The following DBF4B variants were observed in gnomAD, a reference collection of about 807,000 sequenced individuals.
DBF4B encodes DBF4B-CDC7 kinase regulatory subunit.
Under a neutral mutation model 53.4 loss-of-function variants are expected in DBF4B, and 49 were observed. The observed-to-expected ratio is 0.92, with a 90% CI of 0.73 to 1.16. DBF4B has a LOEUF of 1.16. Ranked by LOEUF, DBF4B falls within the 50% of genes most tolerant of loss-of-function variation. The probability of loss-of-function intolerance (pLI) is 0.00; values close to 1 mark genes in which losing one functional copy is unlikely to be tolerated. For missense variants in DBF4B, 692 were observed against 775.0 expected (o/e 0.89, Z 1.27); for synonymous variants, 257 against 288.7 (o/e 0.89, Z 1.11).
intron 6 of DBF4B, among the ~76,000 whole-genome samples, chr17:44,733,305 A>G (rs1013652191): frequency 6.6e-6 from 1 of 152,230 alleles, no homozygotes; most frequent in Admixed American, 6.5e-5. Context: ...CAAATTGTCC[A>G]TGGTCTCACC....
At chr17:44,734,014 T>C in intron 6 of DBF4B, 76 bp from the exon 7 acceptor site, 2 of 1,288,650 alleles carry the variant, frequency 1.6e-6, no homozygotes, top group Non-Finnish European at 1.1e-6. Flanking sequence ...AGTTTAGTCC[T>C]GCAGCCCAGG....
At chr17:44,721,834 T>C (rs543302673) in intron 2 of DBF4B, among the ~76,000 whole-genome samples, 3 of 151,302 alleles carry the variant, frequency 2.0e-5, no homozygotes, top group African/African-American at 4.9e-5. Context: ...GGAGGTTGCA[T>C]AGAAGAGGAA....
Position 44,749,580 on chromosome 17 carries a change from TG to T in DBF4B, c.1190-1010del. On this transcript the variant is annotated intron_variant, in intron 13 of 13. Transcript: ENST00000315005. The surrounding 1 kb of genome is among the most constrained non-coding windows in gnomAD (Gnocchi z 4.4). ...CAGGTCTTTGGGAGAGAATCTGGGC[TG>T]GGGGCTGCCCTCTCCTACCCCTGCC... The T allele has an allele frequency of 8.3e-7, 1 of 1,201,456 alleles. No individual in the cohort carries two copies. Among genetic ancestry groups the T allele is most frequent in the Non-Finnish European group, 1.1e-6 (1 of 947,344 alleles). The allele number at this position is 1,201,456 out of a possible 1,614,324, so 74.4% of individuals were successfully genotyped here.
intron 2 of DBF4B, among the ~76,000 whole-genome samples, chr17:44,712,675 A>C (rs1972985561): frequency 1.3e-5 from 2 of 150,250 alleles, no homozygotes; most frequent in African/African-American, 4.9e-5. Flanking sequence ...GCCTGACCTC[A>C]CGATCTGCCC....
At chr17:44,730,773 T>G (rs561678222) in intron 4 of DBF4B, among the ~76,000 whole-genome samples, 192 bp from the exon 5 acceptor site, 2 of 152,324 alleles carry the variant, frequency 1.3e-5, no homozygotes, top group African/African-American at 2.4e-5. Context: ...GTGACCTAAA[T>G]TTCCTGTGGC....
intron 2 of DBF4B, among the ~76,000 whole-genome samples, chr17:44,712,755 T>A (rs531227910): frequency 4.1e-4 from 62 of 151,820 alleles, no homozygotes; most frequent in Non-Finnish European, 7.2e-4. Context: ...CTTTTTTTTT[T>A]ATAGAGATGG....
chr17:44,713,344 A>G (rs1037367370), intron 2 of DBF4B, among the ~76,000 whole-genome samples: 1 of 148,350 alleles, frequency 6.7e-6, no homozygotes, highest in Non-Finnish European at 1.5e-5. Context: ...CCCCGCCGAC[A>G]TTATTTTCAT....
At chr17:44,713,034 CTT>C (rs979925867) in intron 2 of DBF4B, among the ~76,000 whole-genome samples, 10 of 103,878 alleles carry the variant, frequency 9.6e-5, no homozygotes, top group Admixed American at 2.1e-4. Flanking sequence ...TTTGTATTGA[CTT>C]TTTTTTTTTT....
At position 44,730,035 on chromosome 17, in the gene DBF4B, C is replaced by T. The variant is rs778893237; in HGVS notation, c.356C>T (p.Thr119Ile). Residue 119 changes from threonine to isoleucine, a missense_variant, in exon 4 of 14, where the codon ACA becomes ATA. Coordinates refer to ENST00000315005, the MANE Select transcript of DBF4B (RefSeq NM_145663.3). The part of the protein sequence containing the change: ...SPSPSEVRVE[T>I]SAMVDPKGSH... ...AGCCCCAGTGAGGTCAGAGTGGAAACATCGGCCATGGTTGATCCAAAAGGC... is the reference window on the plus strand; with the variant it reads ...AGCCCCAGTGAGGTCAGAGTGGAAATATCGGCCATGGTTGATCCAAAAGGC... 13 of 1,613,416 alleles carry T rather than the reference C, an allele frequency of 8.1e-6. No homozygotes were observed.
Position 44,750,880 on chromosome 17 carries a change from G to T in DBF4B, c.1475G>T (p.Gly492Val). 6.2e-7 allele frequency: 1 copy of T among 1,614,146 alleles called. No homozygotes were observed. Residue 492 changes from glycine to valine, a missense_variant, in exon 14 of 14, where the codon GGC (glycine) becomes GTC (valine). This residue lies in a region of DBF4B where 597 missense variants were observed against 665.8 expected (regional missense o/e 0.90). Transcript: ENST00000315005. ...GCCCCGGCGGACATTCCTGTTAAGG[G>T]CCCACTCCTCTTCCCTGAAGCCAGA... is the stretch of plus-strand genomic sequence containing the variant. ...SFAPADIPVK[G>V]PLLFPEARPW...
chr17:44,752,045 T>G lies in DBF4B; in HGVS notation c.*792T>G, dbSNP rs2049286882. On this transcript the variant is annotated 3_prime_UTR_variant, in exon 14 of 14. Transcript: ENST00000315005. ...GTCCCCAGGCCTTTGTTCTTGCCTC[T>G]TCTCGCTGAGCCTTTCACTTCTCGG... 6.8e-7 allele frequency: 1 copy of G among 1,471,116 alleles called. No individual in the cohort carries two copies. The highest frequency in any genetic ancestry group is 9.2e-7 in the Non-Finnish European group (1 of 1,088,072). The allele number at this position is 1,471,116 out of a possible 1,614,324, so 91.1% of individuals were successfully genotyped here.
chr17:44,741,089 C>T (rs1156946921), intron 9 of DBF4B, among the ~76,000 whole-genome samples: 5 of 151,500 alleles, frequency 3.3e-5, no homozygotes, highest in Admixed American at 6.6e-5. Context: ...GAGCCGAGAT[C>T]GCGCCACTGC....
intron 3 of DBF4B, among the ~76,000 whole-genome samples, chr17:44,724,971 C>T (rs1043449455): frequency 5.9e-5 from 9 of 152,064 alleles, no homozygotes; most frequent in Non-Finnish European, 1.3e-4. Context: ...ACAAAATTAG[C>T]CGGGTGTGGC....
In DBF4B at chr17:44,749,763, G is replaced by T; in HGVS notation, c.1190-832G>T. 1 of 1,110,592 alleles carries T rather than the reference G, an allele frequency of 9.0e-7. No homozygotes were observed. Among genetic ancestry groups the T allele is most frequent in the Non-Finnish European group, 1.1e-6 (1 of 900,666 alleles). 68.8% of individuals were successfully genotyped at this position (1,110,592 alleles called of 1,614,324 possible). A position where few individuals can be genotyped will look rare whatever the true frequency, so the allele number is the denominator to read the frequency against. Reference sequence around the variant, plus strand: ...GGCCCGGCTTCCTGGCCCTCCACAGGCCCTTGCCTCTCTGCAGAGCCGCGG... The same window carrying T: ...GGCCCGGCTTCCTGGCCCTCCACAGTCCCTTGCCTCTCTGCAGAGCCGCGG... On this transcript the variant is annotated intron_variant, in intron 13 of 13. Coordinates refer to ENST00000315005, the MANE Select transcript of DBF4B (RefSeq NM_145663.3). This position sits in a 1 kb window ranked among gnomAD's most constrained non-coding sequence, Gnocchi z 4.4.
intron 2 of DBF4B, chr17:44,719,266 A>G (rs1568164525): frequency 1.3e-5 from 2 of 148,282 alleles, no homozygotes; most frequent in African/African-American, 2.5e-5. Context: ...CGCCTGTCCT[A>G]TTTTTTTTTT....
At position 44,750,853 on chromosome 17, in the gene DBF4B, T is replaced by C; in HGVS notation, c.1448T>C (p.Phe483Ser). The C allele has an allele frequency of 6.2e-7, 1 of 1,614,164 alleles. No homozygotes were observed. ...MPLHPSQENS[F>S]APADIPVKGP... The stretch of plus-strand genomic sequence containing the variant: ...CTCCATCCCTCCCAAGAAAACTCCT[T>C]TGCCCCGGCGGACATTCCTGTTAAG... Residue 483 changes from phenylalanine to serine, a missense_variant, in exon 14 of 14, where the codon TTT becomes TCT. This residue lies in a region of DBF4B where 597 missense variants were observed against 665.8 expected (regional missense o/e 0.90). Coordinates refer to ENST00000315005, the MANE Select transcript of DBF4B (RefSeq NM_145663.3).
rs991455605 is a variant in DBF4B at position 44,730,060 on chromosome 17, C to T, written c.381C>T (p.Gly127=). Residue 127 remains glycine (G), a synonymous_variant, in exon 4 of 14, where the codon GGC becomes GGT. Transcript: ENST00000315005. ...VETSAMVDPK[G]SHPRPSRKPV... ...CATCGGCCATGGTTGATCCAAAAGG[C>T]AGCCACCCCAGGCCTTCACGGAAAC... The T allele has an allele frequency of 2.5e-6, 4 of 1,612,840 alleles. No individual in the cohort carries two copies. The highest frequency in any genetic ancestry group is 3.4e-6 in the Non-Finnish European group (4 of 1,180,022).
At chr17:44,715,684 T>G (rs1973258900) in intron 2 of DBF4B, among the ~76,000 whole-genome samples, 1 of 151,922 alleles carries the variant, frequency 6.6e-6, no homozygotes, top group African/African-American at 2.4e-5. Context: ...GGATATAATG[T>G]ATTCCCTTTC....
chr17:44,750,569 A>C (rs764618440), intron 13 of DBF4B, 26 bp from the exon 14 acceptor site: 11 of 1,577,194 alleles, frequency 7.0e-6, no homozygotes, highest in Non-Finnish European at 2.6e-6. Flanking sequence ...GGAATGCCAT[A>C]TGTCGGTCCT....
Sources: gnomAD v4.1 joint callset for allele counts (sites outside exome capture counted in the v4.1 genomes callset) on GRCh38, gnomAD v4.1.1 for gene constraint, gnomAD v4.1.1 regional missense constraint, Gnocchi (gnomAD v3.1) non-coding constraint, MANE v1.5 for transcripts, NCBI Gene and HGNC (gene_info 2026-07-23, HGNC 2026-07-21) for gene names.